Variants in PTPRN2 observed in about 807,000 individuals in gnomAD.
PTPRN2 encodes receptor-type tyrosine-protein phosphatase N2.
PTPRN2 carries 74 observed loss-of-function variants against 118.8 expected under a neutral mutation model. The observed-to-expected ratio is 0.62, with a 90% CI of 0.52 to 0.76. The LOEUF (loss-of-function observed/expected upper bound fraction) is 0.76. PTPRN2 is among the 30% of genes least tolerant of loss of function. The pLI is 0.00. For missense variants in PTPRN2, 1,481 were observed against 1,394.4 expected (o/e 1.06, Z -0.99); for synonymous variants, 641 against 608.0 (o/e 1.05, Z -0.80).
Position 157,903,007 on chromosome 7 carries a change from C to T in PTPRN2, c.1724-4270G>A, listed in dbSNP as rs9918643. 0.08 allele frequency among the ~76,000 whole-genome samples: 12,195 copies of T among 152,148 alleles called. 1,567 individuals carry two copies. The highest frequency in any genetic ancestry group is 0.27 in the African/African-American group (11,052 of 41,438). On this transcript the variant is annotated intron_variant, in intron 11 of 22. Transcript: ENST00000389418. The surrounding 1 kb of genome is among the most constrained non-coding windows in gnomAD (Gnocchi z 4.2). ...GTTCTTTCTTCAACAAATACATCCA[C>T]GTTGCTGCAAAGGACACAATTTGGG...
At chr7:157,751,447 C>T (rs897949375) in intron 12 of PTPRN2, among the ~76,000 whole-genome samples, 1 of 152,176 alleles carries the variant, frequency 6.6e-6, no homozygotes. Context: ...CATCAAGAGG[C>T]TGAGCGTGTG....
chr7:158,395,522 CAGGGGTG>C lies in PTPRN2; in HGVS notation c.164-78597_164-78591del, dbSNP rs1194603284. ...GGGCGAGGGGCGAGGCGCGAGGGGC[CAGGGGTG>C]AGGGGTGAGGGGTGAGGCGCGAGGG... On this transcript the variant is annotated intron_variant, in intron 2 of 22. Transcript: ENST00000389418. Among the ~76,000 whole-genome samples, 46 of 7,848 alleles carry C rather than the reference CAGGGGTG, an allele frequency of 5.9e-3. 2 individuals carry two copies. The highest frequency in any genetic ancestry group is 0.017 in the East Asian group (1 of 58). 5.1% of individuals were successfully genotyped at this position (7,848 alleles called of 152,430 possible). A position where few individuals can be genotyped will look rare whatever the true frequency, so the allele number is the denominator to read the frequency against.
intron 2 of PTPRN2, among the ~76,000 whole-genome samples, chr7:158,411,120 G>A (rs188185869): frequency 2.8e-4 from 42 of 152,096 alleles, no homozygotes; most frequent in Non-Finnish European, 4.7e-4. Flanking sequence ...AGGAGGCCTC[G>A]CTCTTCCACC....
At chr7:157,966,518 A>G (rs1801942325) in intron 11 of PTPRN2, among the ~76,000 whole-genome samples, 1 of 151,900 alleles carries the variant, frequency 6.6e-6, no homozygotes, top group Non-Finnish European at 1.5e-5. Flanking sequence ...CATCATCTTC[A>G]TCACCACCAT....
chr7:157,591,034 G>A lies in PTPRN2; in HGVS notation c.2496+4204C>T, dbSNP rs144559136. On this transcript the variant is annotated intron_variant, in intron 17 of 22. Coordinates refer to ENST00000389418, the MANE Select transcript of PTPRN2 (RefSeq NM_002847.5). This position sits in a 1 kb window ranked among gnomAD's most constrained non-coding sequence, Gnocchi z 4.4. ...TGGAAATAGGGTCTTTGCATATGTG[G>A]TCAAGTTAAGGTGAGGTCACACAGG... Among the ~76,000 whole-genome samples the A allele has an allele frequency of 2.8e-4, 43 of 152,258 alleles. No individual in the cohort carries two copies. The highest frequency in any genetic ancestry group is 2.0e-3 in the Admixed American group (31 of 15,296).
intron 2 of PTPRN2, among the ~76,000 whole-genome samples, chr7:158,391,432 G>A (rs1811919960): frequency 6.6e-6 from 1 of 152,210 alleles, no homozygotes; most frequent in Non-Finnish European, 1.5e-5. Context: ...GACGCTGACT[G>A]CAGAGGCCCG....
At chr7:158,269,396 C>T (rs1018253840) in intron 3 of PTPRN2, among the ~76,000 whole-genome samples, 151 of 152,350 alleles carry the variant, frequency 9.9e-4, no homozygotes, top group African/African-American at 3.4e-3. Context: ...TTGACCTTTG[C>T]TGCCAATAAA....
intron 13 of PTPRN2, among the ~76,000 whole-genome samples, chr7:157,658,139 C>T (rs993228708): frequency 6.6e-6 from 1 of 151,430 alleles, no homozygotes; most frequent in East Asian, 1.9e-4. Context: ...GCCACAGTAG[C>T]CTTCGTTGGG....
intron 12 of PTPRN2, among the ~76,000 whole-genome samples, chr7:157,772,596 T>C (rs1004268891): frequency 1.5e-4 from 23 of 152,312 alleles, no homozygotes; most frequent in African/African-American, 5.5e-4. Context: ...CGAATCCTGC[T>C]GCGGGCGGCC....
At chr7:158,137,373 C>T (rs189857305) in intron 7 of PTPRN2, among the ~76,000 whole-genome samples, 145 of 152,292 alleles carry the variant, frequency 9.5e-4, no homozygotes, top group African/African-American at 3.4e-3. Context: ...GCCGAGATCA[C>T]GTCACCGCAC....
chr7:157,880,452 G>A (rs1796045759), intron 12 of PTPRN2, among the ~76,000 whole-genome samples: 1 of 152,214 alleles, frequency 6.6e-6, no homozygotes, highest in East Asian at 1.9e-4. Flanking sequence ...CGTGCTAGAG[G>A]GGGCACCGGC....
chr7:158,066,855 G>A (rs1167551405), intron 11 of PTPRN2, among the ~76,000 whole-genome samples: 1 of 152,158 alleles, frequency 6.6e-6, no homozygotes, highest in Non-Finnish European at 1.5e-5. Flanking sequence ...GTGGCTGAGG[G>A]CTCTGCAGAG....
chr7:158,454,296 CAA>C (rs1180852004), intron 2 of PTPRN2, among the ~76,000 whole-genome samples: 1 of 150,926 alleles, frequency 6.6e-6, no homozygotes, highest in Admixed American at 6.6e-5. Context: ...GGAGGACAGA[CAA>C]GACACAACAC....
At chr7:157,898,412 T>G (rs966689918) in intron 12 of PTPRN2, among the ~76,000 whole-genome samples, 1 of 152,218 alleles carries the variant, frequency 6.6e-6, no homozygotes, top group African/African-American at 2.4e-5. Flanking sequence ...TCTCCGTTCT[T>G]CTTAGCCATG....
rs1584897870 is a variant in PTPRN2, at chr7:157,862,381, T to A, written c.1788+36292A>T. Among the ~76,000 whole-genome samples the A allele has an allele frequency of 2.0e-5, 3 of 152,368 alleles. No homozygotes were observed. In the Middle Eastern group the frequency reaches 0.01, roughly 518 times the overall value. On this transcript the variant is annotated intron_variant, in intron 12 of 22. Coordinates refer to ENST00000389418, the MANE Select transcript of PTPRN2 (RefSeq NM_002847.5). ...TTGAGCCCACGGCTAGGGGATTCCC[T>A]TCTGAACACAGAATGTCTTGCTTAT... is the stretch of plus-strand genomic sequence containing the variant.
At chr7:157,951,001 G>T (rs1024951371) in intron 11 of PTPRN2, among the ~76,000 whole-genome samples, 1 of 152,068 alleles carries the variant, frequency 6.6e-6, no homozygotes, top group Non-Finnish European at 1.5e-5. Flanking sequence ...ATTCCCAGCT[G>T]GTTGACCTTC....
At chr7:158,159,942 C>T (rs1417103771) in intron 6 of PTPRN2, among the ~76,000 whole-genome samples, 1 of 151,940 alleles carries the variant, frequency 6.6e-6, no homozygotes, top group Non-Finnish European at 1.5e-5. Context: ...GTGAAATCCC[C>T]AAATATCTGA....
chr7:157,769,013 G>C (rs1470567992), intron 12 of PTPRN2, among the ~76,000 whole-genome samples: 3 of 152,196 alleles, frequency 2.0e-5, no homozygotes, highest in South Asian at 4.1e-4. Context: ...GGTTGCACGT[G>C]CCAGTCAGCA....
At chr7:157,775,265 C>T (rs1006564981) in intron 12 of PTPRN2, among the ~76,000 whole-genome samples, 1 of 152,194 alleles carries the variant, frequency 6.6e-6, no homozygotes, top group Admixed American at 6.5e-5. Context: ...GTCATATGAG[C>T]TGCTCTTTAG....
Sources: gnomAD v4.1 joint callset for allele counts (sites outside exome capture counted in the v4.1 genomes callset) on GRCh38, gnomAD v4.1.1 for gene constraint, Gnocchi (gnomAD v3.1) non-coding constraint, MANE v1.5 for transcripts, NCBI Gene and HGNC (gene_info 2026-07-23, HGNC 2026-07-21) for gene names.